The following XPO1 variants were observed in gnomAD, a reference collection of about 807,000 sequenced individuals.
XPO1 encodes exportin 1.
A neutral mutation model predicts 133.3 loss-of-function variants in XPO1; 5 were observed. That is an observed-to-expected ratio of 0.04 (90% confidence interval 0.02 to 0.08). The LOEUF is 0.08. Ranked by LOEUF, XPO1 falls within the 10% of genes least tolerant of loss-of-function variation. The pLI, the probability that XPO1 is intolerant of heterozygous loss-of-function variation, is 1.00. For synonymous variants in XPO1, 419 were observed against 408.2 expected, an observed-to-expected ratio of 1.03 and a Z score of -0.32; for missense variants, 506 against 1,267.5, an observed-to-expected ratio of 0.40 and a Z score of 9.12.
chr2:61,492,012 C>T lies in XPO1; in HGVS notation c.1887+23G>A. The T allele has an allele frequency of 1.9e-6, 3 of 1,612,208 alleles. No individual in the cohort carries two copies. The highest frequency in any genetic ancestry group is 8.5e-7 in the Non-Finnish European group (1 of 1,178,924). ...TACAAGTGTTACTTTCTAAAAATAA[C>T]ATATGCTCAGTGCTTAACATACCTG... On this transcript the variant is annotated intron_variant, in intron 16 of 24. Transcript: ENST00000401558. The surrounding 1 kb of genome is among the most constrained non-coding windows in gnomAD (Gnocchi z 5.6).
At chr2:61,489,894 A>AT (rs1179171883) in intron 17 of XPO1, among the ~76,000 whole-genome samples, 8,035 of 133,036 alleles carry the variant, frequency 0.06, 315 homozygotes, top group Non-Finnish European at 0.088. Context: ...AAATTACAGT[A>AT]TTTTTTTTTT....
At chr2:61,479,139 G>A (rs533803922) in intron 24 of XPO1, among the ~76,000 whole-genome samples, 173 bp from the exon 25 acceptor site, 149 of 152,212 alleles carry the variant, frequency 9.8e-4, no homozygotes, top group Non-Finnish European at 1.7e-3. Flanking sequence ...TGAATGAACT[G>A]CAAACCTGTT....
At chr2:61,494,752 A>G (rs1459854777) in intron 11 of XPO1, 1 of 149,822 alleles carries the variant, frequency 6.7e-6, no homozygotes, top group Non-Finnish European at 1.5e-5. Flanking sequence ...CTAATATGCC[A>G]CTGAATTGTG....
intron 4 of XPO1, among the ~76,000 whole-genome samples, chr2:61,507,320 T>C (rs1032565110): frequency 2.2e-4 from 33 of 149,630 alleles, no homozygotes; most frequent in Non-Finnish European, 4.3e-4. Context: ...ACACCTGTAA[T>C]CCTGGAGCTT....
chr2:61,515,275 C>T (rs72888750), intron 4 of XPO1, among the ~76,000 whole-genome samples: 1 of 151,902 alleles, frequency 6.6e-6, no homozygotes, highest in East Asian at 1.9e-4. Context: ...AAGGCAAATA[C>T]AAAAATTCTC....
Position 61,488,149 on chromosome 2 carries a change from A to AGTT in XPO1, c.2313+15_2313+16insAAC. On this transcript the variant is annotated intron_variant, in intron 19 of 24. Coordinates refer to ENST00000401558, the MANE Select transcript of XPO1 (RefSeq NM_003400.4). ...CATCAACACTAGAAATCAAAAGCAAAGCATCTCTCACTTACCATCTGTGGA... is the reference window on the plus strand; with the variant it reads ...CATCAACACTAGAAATCAAAAGCAAAGTTGCATCTCTCACTTACCATCTGTGGA... 1 of 1,606,662 alleles carries AGTT rather than the reference A, an allele frequency of 6.2e-7. No homozygotes were observed. Among genetic ancestry groups the AGTT allele is most frequent in the Non-Finnish European group, 8.5e-7 (1 of 1,173,384 alleles).
intron 20 of XPO1, 72 bp from the exon 21 acceptor site, chr2:61,484,177 G>A (rs1159129228): frequency 6.7e-6 from 9 of 1,333,970 alleles, no homozygotes; most frequent in African/African-American, 1.5e-5. Flanking sequence ...GGAAAAGCAA[G>A]GCTTAATCCA....
At chr2:61,493,721 G>C in intron 12 of XPO1, 173 bp downstream of exon 12, 1 of 693,512 alleles carries the variant, frequency 1.4e-6, no homozygotes, top group Non-Finnish European at 2.4e-6. Flanking sequence ...ACACTCTTGA[G>C]AATCAAGGTT....
chr2:61,499,622 T>C (rs770675239), intron 7 of XPO1, 91 bp downstream of exon 7: 141 of 1,239,428 alleles, frequency 1.1e-4, no homozygotes, highest in Non-Finnish European at 1.5e-4. Flanking sequence ...TTACTGATCA[T>C]AGTTCCTTAA....
chr2:61,499,742 G>C lies in XPO1; in HGVS notation c.561C>G (p.Thr187=), dbSNP rs2104504558. The C allele has an allele frequency of 6.3e-7, 1 of 1,594,680 alleles. No homozygotes were observed. Among genetic ancestry groups the C allele is most frequent in the Non-Finnish European group, 8.5e-7 (1 of 1,175,034 alleles). ...EVFDFSSGQI[T]QVKSKHLKDS... ...CTTTTAAATGCTTAGATTTGACTTG[G>C]GTTATCTGTCCACTAGAGAAATCAA... The change falls in exon 7 of 25, where the codon ACC becomes ACG. Residue 187 remains threonine (T), a synonymous_variant. Coordinates refer to ENST00000401558, the MANE Select transcript of XPO1 (RefSeq NM_003400.4).
intron 4 of XPO1, among the ~76,000 whole-genome samples, chr2:61,506,295 C>T (rs1429930594): frequency 1.3e-5 from 2 of 152,090 alleles, no homozygotes; most frequent in South Asian, 2.1e-4. Flanking sequence ...TGGTGGCACG[C>T]GCCTATAATC....
chr2:61,482,448 A>T lies in XPO1; in HGVS notation c.2904T>A (p.Val968=). 1.2e-6 allele frequency: 2 copies of T among 1,613,692 alleles called. No individual in the cohort carries two copies. Among genetic ancestry groups the T allele is most frequent in the Non-Finnish European group, 1.7e-6 (2 of 1,179,892 alleles). The change falls in exon 23 of 25, where the codon GTT becomes GTA. Residue 968 remains valine, a synonymous_variant. Transcript: ENST00000401558. ...ATTCCTGAAGAAAGATTTGGTTGTT[A>T]ACTGGATTTCCAGGATTTAATGATG... is the stretch of plus-strand genomic sequence containing the variant. ...ISTSLNPGNP[V]NNQIFLQEYV... is the part of the protein sequence containing the mutation.
rs373021861 is a variant in XPO1 at position 61,483,056 on chromosome 2, C to T, written c.2713G>A (p.Ala905Thr). The change falls in exon 22 of 25, where the codon GCA (alanine) becomes ACA (threonine). Residue 905 changes from alanine to threonine, a missense_variant. By Grantham distance (58) the Ala-to-Thr change is moderately conservative. Coordinates refer to ENST00000401558, the MANE Select transcript of XPO1 (RefSeq NM_003400.4). ...QILFTLLQNV[A>T]QEEAAAQSFY... ...CTCTGAGCTGCAGCTTCTTCTTGTG[C>T]AACATTTTGTAAGAGTGTAAAAAGT... 3 of 1,613,446 alleles carry T rather than the reference C, an allele frequency of 1.9e-6. No homozygotes were observed. Among genetic ancestry groups the T allele is most frequent in the Non-Finnish European group, 2.5e-6 (3 of 1,179,930 alleles).
At chr2:61,528,561 A>G (rs1283221452) in intron 2 of XPO1, among the ~76,000 whole-genome samples, 1 of 150,400 alleles carries the variant, frequency 6.6e-6, no homozygotes, top group Non-Finnish European at 1.5e-5. Context: ...TGAATCCAGG[A>G]GCGGAGGTTG....
At chr2:61,505,436 G>C (rs1362940696) in intron 4 of XPO1, among the ~76,000 whole-genome samples, 1 of 149,256 alleles carries the variant, frequency 6.7e-6, no homozygotes, top group Non-Finnish European at 1.5e-5. Context: ...CTGTCTTCCA[G>C]GCTGGAGTGC....
At chr2:61,500,625 C>T (rs1031053407) in intron 6 of XPO1, among the ~76,000 whole-genome samples, 5 of 145,008 alleles carry the variant, frequency 3.4e-5, no homozygotes, top group Non-Finnish European at 6.0e-5. Flanking sequence ...ATGGTGAAAC[C>T]CCGTCTCTAC....
chr2:61,535,250 G>A (rs1331360554), intron 1 of XPO1, among the ~76,000 whole-genome samples: 3 of 151,940 alleles, frequency 2.0e-5, no homozygotes, highest in Admixed American at 1.3e-4. Context: ...AACCTTTTTG[G>A]GGGTCTAAGA....
intron 7 of XPO1, among the ~76,000 whole-genome samples, chr2:61,499,168 C>G (rs1471947522): frequency 2.0e-5 from 3 of 152,284 alleles, no homozygotes; most frequent in Admixed American, 1.3e-4. Flanking sequence ...CAGTTGCTTA[C>G]TATTAGAGGC....
intron 2 of XPO1, among the ~76,000 whole-genome samples, chr2:61,530,996 G>T (rs547841428): frequency 2.6e-5 from 4 of 152,222 alleles, no homozygotes; most frequent in African/African-American, 9.6e-5. Flanking sequence ...TGTAGGACAG[G>T]TCATATTTGT....
Sources: gnomAD v4.1 joint callset for allele counts (sites outside exome capture counted in the v4.1 genomes callset) on GRCh38, gnomAD v4.1.1 for gene constraint, Gnocchi (gnomAD v3.1) non-coding constraint, MANE v1.5 for transcripts, NCBI Gene and HGNC (gene_info 2026-07-23, HGNC 2026-07-21) for gene names.